The following C12orf42 variants were observed in gnomAD, a reference collection of about 807,000 sequenced individuals.
The protein encoded by C12orf42 is uncharacterized protein C12orf42.
C12orf42 carries 25 observed loss-of-function variants against 21.6 expected under a neutral mutation model. The ratio of observed to expected loss-of-function variants is 1.16; its 90% CI spans 0.84 to 1.62. The LOEUF (loss-of-function observed/expected upper bound fraction) is 1.62, where lower values mean the gene tolerates loss of function less well. Among genes scored for constraint, C12orf42 ranks in the 40% most tolerant of loss-of-function variants. C12orf42 has a pLI of 0.00. For synonymous variants in C12orf42, 174 were observed against 175.0 expected (o/e 0.99, Z 0.05); for missense variants, 483 against 459.3 (o/e 1.05, Z -0.47).
At chr12:103,507,184 AT>A in the C12orf42 span, among the ~76,000 whole-genome samples, 2 of 26,484 alleles carry the variant, frequency 7.6e-5, no homozygotes, top group African/African-American at 5.0e-4. Context: ...TATATTATAT[AT>A]AATATATATA....
chr12:103,170,708 CT>C, the C12orf42 span, among the ~76,000 whole-genome samples: 1 of 152,144 alleles, frequency 6.6e-6, no homozygotes, highest in Non-Finnish European at 1.5e-5. Context: ...TCTCCAACCC[CT>C]TTTCATCACT....
chr12:103,261,476 C>CA (rs200549825), intron 10 of C12orf42, among the ~76,000 whole-genome samples: 1,525 of 78,406 alleles, frequency 0.019, 22 homozygotes, highest in Non-Finnish European at 0.03. Context: ...GAGACTCTTT[C>CA]AAAAAAAAAA....
At chr12:103,133,775 G>A in the C12orf42 span, among the ~76,000 whole-genome samples, 41 of 152,300 alleles carry the variant, frequency 2.7e-4, no homozygotes, top group Non-Finnish European at 5.3e-4. Context: ...TGCTGTGGGA[G>A]GTAATTGAAT....
intron 4 of C12orf42, among the ~76,000 whole-genome samples, chr12:103,291,925 C>T (rs927016433): frequency 5.3e-5 from 8 of 152,040 alleles, no homozygotes; most frequent in Non-Finnish European, 8.8e-5. Context: ...GCACTGCATG[C>T]AAGAGAAAGC....
chr12:103,169,510 A>G, the C12orf42 span, among the ~76,000 whole-genome samples: 18 of 152,284 alleles, frequency 1.2e-4, no homozygotes, highest in African/African-American at 4.1e-4. Context: ...AGAGAAGACA[A>G]GTAACTTATC....
chr12:103,530,603 G>A, the C12orf42 span, among the ~76,000 whole-genome samples: 6 of 151,442 alleles, frequency 4.0e-5, no homozygotes, highest in South Asian at 1.3e-3. Context: ...GGAACTGGAA[G>A]GGCCTGTCTC....
At chr12:103,122,456 T>C in the C12orf42 span, among the ~76,000 whole-genome samples, 2 of 152,234 alleles carry the variant, frequency 1.3e-5, no homozygotes, top group Non-Finnish European at 2.9e-5. Flanking sequence ...TCAGGCACTA[T>C]ACAGCTTTTG....
intron 2 of C12orf42, among the ~76,000 whole-genome samples, chr12:103,471,077 G>T (rs1251101205): frequency 6.6e-6 from 1 of 152,180 alleles, no homozygotes; most frequent in East Asian, 1.9e-4. Flanking sequence ...CAGCAAAAAA[G>T]AGGTGAAATA....
At chr12:103,252,970 G>A (rs553892749) in intron 10 of C12orf42, among the ~76,000 whole-genome samples, 1 of 152,082 alleles carries the variant, frequency 6.6e-6, no homozygotes, top group South Asian at 2.1e-4. Flanking sequence ...TCCATCTTGA[G>A]TTAATTTTTG....
At chr12:103,550,638 A>G in the C12orf42 span, 1 of 152,154 alleles carries the variant, frequency 6.6e-6, no homozygotes, top group Non-Finnish European at 1.5e-5. Flanking sequence ...CTAAAATCAT[A>G]ATTATCTTTA....
intron 2 of C12orf42, among the ~76,000 whole-genome samples, chr12:103,477,299 A>G (rs1033499514): frequency 6.6e-6 from 1 of 152,160 alleles, no homozygotes; most frequent in African/African-American, 2.4e-5. Flanking sequence ...GGAGTAAGCC[A>G]TAAGAATCTC....
intron 4 of C12orf42, among the ~76,000 whole-genome samples, chr12:103,360,917 A>T (rs1278252744): frequency 6.6e-6 from 1 of 152,120 alleles, no homozygotes; most frequent in Non-Finnish European, 1.5e-5. Context: ...TGTAAGAAAA[A>T]TGAATGAGGC....
the C12orf42 span, among the ~76,000 whole-genome samples, chr12:103,523,236 ATATAAT>A: frequency 6.6e-6 from 1 of 152,184 alleles, no homozygotes; most frequent in Non-Finnish European, 1.5e-5. Context: ...ATAATAGTTT[ATATAAT>A]CACTGTACCT....
chr12:103,365,770 G>A (rs923973717), intron 4 of C12orf42, among the ~76,000 whole-genome samples: 1 of 151,908 alleles, frequency 6.6e-6, no homozygotes, highest in Non-Finnish European at 1.5e-5. Flanking sequence ...ACCTAACCAA[G>A]GAGGTGAAAG....
At chr12:103,549,174 G>T in the C12orf42 span, among the ~76,000 whole-genome samples, 2 of 152,188 alleles carry the variant, frequency 1.3e-5, no homozygotes, top group Non-Finnish European at 2.9e-5. Context: ...CACAGAGTTA[G>T]TCCTTCCTTC....
chr12:103,458,965 A>C (rs1952499789), intron 2 of C12orf42, among the ~76,000 whole-genome samples: 1 of 151,968 alleles, frequency 6.6e-6, no homozygotes, highest in Non-Finnish European at 1.5e-5. Context: ...AAAAAAAAAA[A>C]CGTATTAGGG....
At chr12:103,256,396 A>T (rs1297997980) in intron 10 of C12orf42, among the ~76,000 whole-genome samples, 1 of 151,824 alleles carries the variant, frequency 6.6e-6, no homozygotes, top group East Asian at 1.9e-4. Context: ...GCAACAAGGT[A>T]TGTGCCCTGA....
chr12:103,525,222 G>T, the C12orf42 span, among the ~76,000 whole-genome samples: 2 of 152,090 alleles, frequency 1.3e-5, no homozygotes, highest in African/African-American at 4.8e-5. Context: ...GCGGGGGGAA[G>T]TCTCACTATG....
the C12orf42 span, among the ~76,000 whole-genome samples, chr12:103,222,389 T>G: frequency 6.6e-6 from 1 of 152,158 alleles, no homozygotes; most frequent in Non-Finnish European, 1.5e-5. Flanking sequence ...CAAGGTAATG[T>G]CATCACTTAA....
Sources: gnomAD v4.1 joint callset for allele counts (sites outside exome capture counted in the v4.1 genomes callset) on GRCh38, gnomAD v4.1.1 for gene constraint, MANE v1.5 for transcripts, NCBI Gene and HGNC (gene_info 2026-07-23, HGNC 2026-07-21) for gene names.